PIK3AP1: variants seen among roughly 807,000 people sequenced by gnomAD.
PIK3AP1 encodes the protein phosphoinositide-3-kinase adaptor protein 1.
A neutral mutation model predicts 88.1 loss-of-function variants in PIK3AP1; 21 were observed. The observed-to-expected ratio is 0.24, with a 90% CI of 0.17 to 0.34. The LOEUF is 0.34. Ranked by LOEUF, PIK3AP1 falls within the 10% of genes least tolerant of loss-of-function variation. The pLI is 1.00. For missense variants in PIK3AP1, 828 were observed against 1,035.7 expected (o/e 0.80, Z 2.75); for synonymous variants, 398 against 400.0 (o/e 1.00, Z 0.06).
chr10:96,684,642 A>G (rs1021362744), intron 2 of PIK3AP1, among the ~76,000 whole-genome samples: 2 of 152,164 alleles, frequency 1.3e-5, no homozygotes, highest in Non-Finnish European at 2.9e-5. Flanking sequence ...AGACCAATGA[A>G]CCTGTGCTGG....
At position 96,663,627 on chromosome 10, in the gene PIK3AP1, C is replaced by CAAAAAAA. The variant is rs373081849; in HGVS notation, c.431-6700_431-6694dup. Among the ~76,000 whole-genome samples, 12 of 42,984 alleles carry CAAAAAAA rather than the reference C, an allele frequency of 2.8e-4. No individual in the cohort carries two copies. The East Asian group carries it at 5.0e-3, about 18-fold the overall frequency. The allele number at this position is 42,984 out of a possible 152,430, so 28.2% of individuals were successfully genotyped here. On this transcript the variant is annotated intron_variant, in intron 2 of 16. Coordinates refer to ENST00000339364, the MANE Select transcript of PIK3AP1 (RefSeq NM_152309.3). Reference sequence around the variant, plus strand: ...CCTGGGCAACAGAGTGAGACTCCGTCAAAAAAAAAAAAAAAAAAAAAAAAA... The same window carrying CAAAAAAA: ...CCTGGGCAACAGAGTGAGACTCCGTCAAAAAAAAAAAAAAAAAAAAAAAAAAAAAAAA...
chr10:96,601,881 G>A (rs960480647), intron 16 of PIK3AP1, among the ~76,000 whole-genome samples: 3 of 152,154 alleles, frequency 2.0e-5, no homozygotes, highest in African/African-American at 7.2e-5. Flanking sequence ...ATTTCAATTA[G>A]CTCTGTACTT....
At chr10:96,639,732 G>A (rs777720776) in intron 8 of PIK3AP1, among the ~76,000 whole-genome samples, 6 of 152,122 alleles carry the variant, frequency 3.9e-5, no homozygotes, top group African/African-American at 1.2e-4. Context: ...GGCTCTACTC[G>A]CCAGAATCTT....
intron 2 of PIK3AP1, among the ~76,000 whole-genome samples, chr10:96,662,355 C>A (rs181356688): frequency 2.3e-4 from 34 of 150,918 alleles, no homozygotes; most frequent in Admixed American, 9.9e-4. Flanking sequence ...AATCCCTGCA[C>A]TTTTGGGAGG....
At chr10:96,701,104 ACAAAC>A (rs1219733010) in intron 2 of PIK3AP1, among the ~76,000 whole-genome samples, 1 of 152,214 alleles carries the variant, frequency 6.6e-6, no homozygotes, top group African/African-American at 2.4e-5. Context: ...TATTCCCAGG[ACAAAC>A]CTCTAGAGAT....
intron 13 of PIK3AP1, among the ~76,000 whole-genome samples, chr10:96,611,302 G>C (rs769880978): frequency 2.0e-5 from 3 of 152,058 alleles, no homozygotes; most frequent in Non-Finnish European, 4.4e-5. Flanking sequence ...TCACATGCTG[G>C]GGCTCTCTTG....
chr10:96,708,791 G>C (rs535399919), intron 2 of PIK3AP1, among the ~76,000 whole-genome samples: 1 of 151,870 alleles, frequency 6.6e-6, no homozygotes, highest in Non-Finnish European at 1.5e-5. Flanking sequence ...TAGGCTGGTG[G>C]GAAATAGAGA....
chr10:96,664,805 G>A (rs1003354836), intron 2 of PIK3AP1, among the ~76,000 whole-genome samples: 5 of 152,162 alleles, frequency 3.3e-5, no homozygotes, highest in Non-Finnish European at 7.3e-5. Flanking sequence ...TTCTGGTGGC[G>A]CTGATTGACA....
chr10:96,705,965 C>T (rs1210880309), intron 2 of PIK3AP1, among the ~76,000 whole-genome samples: 2 of 135,902 alleles, frequency 1.5e-5, no homozygotes, highest in South Asian at 4.9e-4. Flanking sequence ...GCCATCTCGG[C>T]TCACTGCAAG....
In PIK3AP1 at chr10:96,674,563, ACATT is replaced by A. The variant is rs563389129; in HGVS notation, c.431-17633_431-17630del. ...GATTTCTCTGAGAACAGATTTCCTG[ACATT>A]CATTCATCTTTGTATCCCCAGGGCT... On this transcript the variant is annotated intron_variant, in intron 2 of 16. Coordinates refer to ENST00000339364, the MANE Select transcript of PIK3AP1 (RefSeq NM_152309.3). Among the ~76,000 whole-genome samples the A allele has an allele frequency of 3.2e-3, 487 of 152,380 alleles. 2 individuals are homozygous for A. The highest frequency in any genetic ancestry group is 4.7e-3 in the Non-Finnish European group (321 of 68,030).
intron 2 of PIK3AP1, among the ~76,000 whole-genome samples, chr10:96,709,146 A>C (rs934114738): frequency 4.2e-4 from 64 of 151,562 alleles, no homozygotes; most frequent in Non-Finnish European, 8.0e-4. Flanking sequence ...AAAAAAAAAA[A>C]AAAACCCTTT....
chr10:96,677,764 T>TC (rs1187528324), intron 2 of PIK3AP1, among the ~76,000 whole-genome samples: 5 of 152,196 alleles, frequency 3.3e-5, no homozygotes, highest in African/African-American at 1.2e-4. Flanking sequence ...TTTTCACTGT[T>TC]CATTTAGGTA....
intron 8 of PIK3AP1, among the ~76,000 whole-genome samples, chr10:96,640,166 T>C (rs912173250): frequency 6.6e-6 from 1 of 152,176 alleles, no homozygotes; most frequent in Non-Finnish European, 1.5e-5. Context: ...AAAAGTTCAA[T>C]GTAGGGGTAA....
chr10:96,626,311 G>A (rs1843152996), intron 10 of PIK3AP1, among the ~76,000 whole-genome samples: 2 of 152,198 alleles, frequency 1.3e-5, no homozygotes, highest in Admixed American at 6.5e-5. Flanking sequence ...TCTGTAAAAT[G>A]AGATAATAAT....
At position 96,709,581 on chromosome 10, in the gene PIK3AP1, T is replaced by G. The variant is rs750422147; in HGVS notation, c.416A>C (p.Lys139Thr). Residue 139 changes from lysine (K) to threonine (T), a missense_variant, in exon 2 of 17, where the codon AAA (lysine) becomes ACA (threonine). Lys to Thr is a moderately conservative substitution (Grantham distance 78). This residue lies in a region of PIK3AP1 where 610 missense variants were observed against 760.1 expected (regional missense o/e 0.80). Transcript: ENST00000339364. ...GAAATCCTTACCTTCGGAAATGGCT[T>G]TTTTCACAGCTGCCACGTAGGTCTC... is the stretch of plus-strand genomic sequence containing the variant. ...EPETYVAAVK[K>T]AISEDSGCDS... 17 of 1,604,744 alleles carry G rather than the reference T, an allele frequency of 1.1e-5. No homozygotes were observed. Among genetic ancestry groups the G allele is most frequent in the South Asian group, 3.3e-5 (3 of 90,746 alleles).
chr10:96,611,477 C>A (rs1267946363), intron 13 of PIK3AP1, among the ~76,000 whole-genome samples: 2 of 151,446 alleles, frequency 1.3e-5, no homozygotes, highest in Non-Finnish European at 2.9e-5. Context: ...TTTTAAAAAT[C>A]ATTGTTTGTT....
Position 96,645,536 on chromosome 10 carries a change from CG to C in PIK3AP1, c.1311del (p.Gly438AlafsTer47). ...TDLLMKCSLN[P>X]GCDEDLYESM... ...GACTCATAGAGATCCTCGTCACAGC[CG>C]GGGTTGAGCGAGCATTTCATAAGCA... is the stretch of plus-strand genomic sequence containing the variant. On this transcript the variant is annotated frameshift_variant, in exon 8 of 17. Transcript: ENST00000339364. LOFTEE classifies it high-confidence loss of function. 6.2e-7 allele frequency: 1 copy of C among 1,613,974 alleles called. No individual in the cohort carries two copies. Among genetic ancestry groups the C allele is most frequent in the Non-Finnish European group, 8.5e-7 (1 of 1,179,968 alleles).
At chr10:96,616,746 A>G in intron 12 of PIK3AP1, 35 bp from the exon 13 acceptor site, 3 of 1,580,570 alleles carry the variant, frequency 1.9e-6, no homozygotes, top group Non-Finnish European at 2.6e-6. Context: ...TTAAGTGTAC[A>G]ACAGGATGAT....
intron 2 of PIK3AP1, among the ~76,000 whole-genome samples, chr10:96,672,764 G>A (rs901364550): frequency 6.6e-6 from 1 of 152,140 alleles, no homozygotes; most frequent in African/African-American, 2.4e-5. Flanking sequence ...CTGGGGCTGG[G>A]GCCCTCTAAC....
Sources: allele counts gnomAD v4.1 joint callset (sites outside exome capture counted in the v4.1 genomes callset), GRCh38; gene constraint gnomAD v4.1.1; regional missense constraint gnomAD v4.1.1; transcripts MANE v1.5; gene names NCBI Gene and HGNC (gene_info 2026-07-23, HGNC 2026-07-21).